FMR1NB: variants seen among roughly 807,000 people sequenced by gnomAD.
FMR1NB encodes FMR1 neighbor.
In FMR1NB, 10 loss-of-function variants were observed where a neutral mutation model predicts 16.8. That is an observed-to-expected ratio of 0.60 (90% CI 0.37 to 1.01). The LOEUF is 1.01. Among genes scored for constraint, FMR1NB ranks in the 50% least tolerant of loss-of-function variants. The pLI is 0.01. For synonymous variants in FMR1NB, 83 were observed against 79.1 expected (o/e 1.05, Z -0.26); for missense variants, 205 against 204.8 (o/e 1.00, Z 0.00).
intron 4 of FMR1NB, among the ~76,000 whole-genome samples, chrX:148,012,989 TA>T (rs1249249760): frequency 8.9e-6 from 1 of 111,941 alleles, no homozygotes; most frequent in African/African-American, 3.2e-5. Flanking sequence ...ATAAAATCTA[TA>T]AATTTTGAAA....
chrX:147,985,961 C>G (rs1204671755), intron 1 of FMR1NB, among the ~76,000 whole-genome samples: 2 of 112,364 alleles, frequency 1.8e-5, no homozygotes, highest in Non-Finnish European at 3.8e-5. Context: ...TCTATTTCTT[C>G]ACATCCTCAC....
At chrX:147,992,153 C>G (rs1405652493) in intron 1 of FMR1NB, among the ~76,000 whole-genome samples, 2 of 109,727 alleles carry the variant, frequency 1.8e-5, no homozygotes, top group Non-Finnish European at 3.8e-5. Flanking sequence ...CATCCCGTCC[C>G]GTTCTCAATG....
At chrX:148,003,442 G>A in intron 2 of FMR1NB, 122 bp downstream of exon 2, 1 of 767,473 alleles carries the variant, frequency 1.3e-6, no homozygotes, top group Non-Finnish European at 1.8e-6. Flanking sequence ...TTTGAATCCT[G>A]GCTCTGCTCT....
intron 4 of FMR1NB, among the ~76,000 whole-genome samples, chrX:148,009,318 G>A (rs1362314691): frequency 1.8e-5 from 2 of 111,422 alleles, no homozygotes; most frequent in Non-Finnish European, 3.8e-5. Context: ...GTGTGCAGTG[G>A]GGGTGGCTAT....
chrX:147,998,592 T>A (rs1343251975), intron 1 of FMR1NB, among the ~76,000 whole-genome samples: 1 of 112,414 alleles, frequency 8.9e-6, no homozygotes, highest in Non-Finnish European at 1.9e-5. Context: ...ATCCCAGAAC[T>A]CAAAGTATCA....
At chrX:147,992,034 A>T (rs2044508588) in intron 1 of FMR1NB, among the ~76,000 whole-genome samples, 1 of 112,141 alleles carries the variant, frequency 8.9e-6, no homozygotes, top group East Asian at 2.8e-4. Context: ...GCAGAACAAA[A>T]TGAAAAGTCT....
At chrX:147,990,690 T>C (rs1331422204) in intron 1 of FMR1NB, among the ~76,000 whole-genome samples, 1 of 111,840 alleles carries the variant, frequency 8.9e-6, no homozygotes, top group Non-Finnish European at 1.9e-5. Context: ...GAGGTTTTGT[T>C]TAGTGTTTCA....
chrX:147,981,635 T>G lies in FMR1NB; in HGVS notation c.233T>G (p.Ile78Ser). Residue 78 changes from isoleucine (I) to serine (S), a missense_variant, in exon 1 of 6, where the codon ATC becomes AGC. Physicochemically the swap from Ile to Ser is moderately radical, Grantham distance 142. Transcript: ENST00000370467. ...PFGMLMLSIWILLFVCYYLSY... is the reference protein window; with the variant it reads ...PFGMLMLSIWSLLFVCYYLSY... ...GGGATGCTCATGCTCTCCATTTGGA[T>G]CCTGCTGTTCGTGTGCTACTACCTG... 8.3e-7 allele frequency: 1 copy of G among 1,206,368 alleles called. No homozygotes were observed. The highest frequency in any genetic ancestry group is 1.8e-5 in the African/African-American group (1 of 56,771).
intron 1 of FMR1NB, among the ~76,000 whole-genome samples, chrX:147,985,303 C>T (rs2044470568): frequency 9.0e-6 from 1 of 111,146 alleles, no homozygotes; most frequent in African/African-American, 3.3e-5. Context: ...TTTGTTGAAA[C>T]ATTTTATTTT....
intron 5 of FMR1NB, chrX:148,025,992 G>A (rs2044701540): frequency 9.1e-6 from 1 of 110,346 alleles, no homozygotes; most frequent in East Asian, 2.9e-4. Context: ...TGATGAATAG[G>A]AAAAGTGATT....
At chrX:147,985,539 A>G (rs4824258) in intron 1 of FMR1NB, among the ~76,000 whole-genome samples, 13,532 of 108,892 alleles carry the variant, frequency 0.12, 1,021 homozygotes, top group East Asian at 0.59. Context: ...TCATTGTTCA[A>G]CTCCCACTTA....
At chrX:148,005,141 G>A (rs782498468) in intron 2 of FMR1NB, among the ~76,000 whole-genome samples, 1 of 112,264 alleles carries the variant, frequency 8.9e-6, no homozygotes, top group Non-Finnish European at 1.9e-5. Context: ...GCCCGCCTTG[G>A]GCTCCCAAAG....
At chrX:148,019,801 G>A (rs2044669761) in intron 4 of FMR1NB, among the ~76,000 whole-genome samples, 1 of 111,783 alleles carries the variant, frequency 8.9e-6, no homozygotes, top group Non-Finnish European at 1.9e-5. Flanking sequence ...TTTGGGGTGA[G>A]GTGACCCAAA....
chrX:148,005,455 A>G, intron 2 of FMR1NB, among the ~76,000 whole-genome samples: 2 of 111,064 alleles, frequency 1.8e-5, no homozygotes, highest in Admixed American at 1.9e-4. Flanking sequence ...ACTTGATGCA[A>G]TCCAACCTAG....
intron 1 of FMR1NB, among the ~76,000 whole-genome samples, chrX:147,996,465 T>G (rs1255617536): frequency 9.0e-6 from 1 of 110,528 alleles, no homozygotes; most frequent in African/African-American, 3.3e-5. Flanking sequence ...GTGGCATAGG[T>G]AGACCCTCAA....
chrX:147,981,908 G>T (rs782207657), intron 1 of FMR1NB, among the ~76,000 whole-genome samples: 1 of 111,197 alleles, frequency 9.0e-6, no homozygotes, highest in African/African-American at 3.3e-5. Flanking sequence ...ACTTATAAAA[G>T]ACTTTCCCTC....
intron 4 of FMR1NB, among the ~76,000 whole-genome samples, chrX:148,015,366 G>A (rs1257866861): frequency 9.0e-6 from 1 of 110,827 alleles, no homozygotes; most frequent in East Asian, 2.8e-4. Context: ...CTAATTGTGG[G>A]TTTGGTTTGA....
intron 1 of FMR1NB, among the ~76,000 whole-genome samples, chrX:147,997,708 A>G (rs1173647799): frequency 8.9e-6 from 1 of 111,900 alleles, no homozygotes; most frequent in African/African-American, 3.3e-5. Flanking sequence ...CAATCTATCC[A>G]TCTGACAAAA....
At chrX:148,008,826 T>C (rs782518083) in intron 4 of FMR1NB, 115 bp downstream of exon 4, 7 of 634,586 alleles carry the variant, frequency 1.1e-5, no homozygotes, top group African/African-American at 8.9e-5. Flanking sequence ...GTTCTTTATG[T>C]TGAAAATATG....
Sources: allele counts gnomAD v4.1 joint callset (sites outside exome capture counted in the v4.1 genomes callset), GRCh38; gene constraint gnomAD v4.1.1; transcripts MANE v1.5; gene names NCBI Gene and HGNC (gene_info 2026-07-23, HGNC 2026-07-21).